CCDC192: variants seen among roughly 807,000 people sequenced by gnomAD.
The protein encoded by CCDC192 is coiled-coil domain-containing protein 192.
At position 127,884,427 on chromosome 5, in the gene CCDC192, A is replaced by G. The variant is rs569631843; in HGVS notation, c.535+8766A>G. 1.2e-4 allele frequency among the ~76,000 whole-genome samples: 18 copies of G among 150,406 alleles called. 2 individuals are homozygous for G. In the South Asian group the frequency reaches 3.8e-3, roughly 32 times the overall value. On this transcript the variant is annotated intron_variant, in intron 6 of 6. Coordinates refer to ENST00000514853, the MANE Select transcript of CCDC192 (RefSeq NM_001317938.2). ...AAAATACAGAAAGCTATCTTATATC[A>G]TTACCATATATTCTTTTTTTTCCTT...
intron 3 of CCDC192, among the ~76,000 whole-genome samples, chr5:127,793,787 A>G (rs1380928183): frequency 2.6e-5 from 4 of 152,178 alleles, no homozygotes; most frequent in Non-Finnish European, 5.9e-5. Context: ...GCTGTTTTTC[A>G]TAAACTTTTC....
At chr5:127,848,331 A>G (rs918171154) in intron 5 of CCDC192, among the ~76,000 whole-genome samples, 1 of 152,168 alleles carries the variant, frequency 6.6e-6, no homozygotes, top group African/African-American at 2.4e-5. Flanking sequence ...GCCCAACTTG[A>G]GAGTGAACTT....
intron 6 of CCDC192, among the ~76,000 whole-genome samples, chr5:127,933,744 G>A (rs1754115602): frequency 6.6e-6 from 1 of 152,094 alleles, no homozygotes; most frequent in South Asian, 2.1e-4. Flanking sequence ...AAAAGGTAAG[G>A]TCTTTAGGAG....
intron 5 of CCDC192, among the ~76,000 whole-genome samples, chr5:127,831,975 A>T (rs1178860458): frequency 2.6e-5 from 4 of 152,124 alleles, no homozygotes; most frequent in African/African-American, 9.6e-5. Context: ...AGCATAGTAA[A>T]TTCAAATAAA....
At chr5:127,910,549 TC>T (rs1753318037) in intron 6 of CCDC192, among the ~76,000 whole-genome samples, 1 of 152,118 alleles carries the variant, frequency 6.6e-6, no homozygotes, top group African/African-American at 2.4e-5. Context: ...AGCCATAAAC[TC>T]CCAGTGTTGA....
chr5:127,747,182 T>C (rs1166178737), intron 2 of CCDC192, among the ~76,000 whole-genome samples: 1 of 151,992 alleles, frequency 6.6e-6, no homozygotes, highest in African/African-American at 2.4e-5. Context: ...CGTATACATG[T>C]GCCATGCTGG....
chr5:127,715,040 A>G (rs1751550919), intron 2 of CCDC192, among the ~76,000 whole-genome samples: 1 of 151,986 alleles, frequency 6.6e-6, no homozygotes, highest in African/African-American at 2.4e-5. Context: ...TGTCAGATGC[A>G]TACTTTGTGA....
At chr5:127,742,269 T>C (rs376713936) in intron 2 of CCDC192, among the ~76,000 whole-genome samples, 101 of 152,338 alleles carry the variant, frequency 6.6e-4, no homozygotes, top group African/African-American at 2.3e-3. Context: ...CATTTCTCTT[T>C]AACTTCCATG....
intron 3 of CCDC192, chr5:127,786,522 G>A: frequency 1.6e-6 from 1 of 636,564 alleles, no homozygotes; most frequent in Non-Finnish European, 2.9e-6. Context: ...TTTCTTACCT[G>A]TTTATTCAGT....
rs1753836333 is a variant in CCDC192 at position 127,925,407 on chromosome 5, A to C, written c.536-15775A>C. ...GCTGATAAAATTGGAATGGCATTCC[A>C]CAAGGAGGAGGAATTGAAAGACGAG... On this transcript the variant is annotated intron_variant, in intron 6 of 6. Transcript: ENST00000514853. Among the ~76,000 whole-genome samples the C allele has an allele frequency of 2.0e-5, 3 of 152,306 alleles. No individual in the cohort carries two copies. The South Asian group carries it at 6.2e-4, about 32-fold the overall frequency.
intron 6 of CCDC192, among the ~76,000 whole-genome samples, chr5:127,915,730 T>C (rs1753502977): frequency 6.6e-6 from 1 of 152,246 alleles, no homozygotes. Flanking sequence ...TTGCAATTTT[T>C]TTTTTTTAGC....
chr5:127,873,337 T>A (rs936975007), intron 5 of CCDC192, among the ~76,000 whole-genome samples: 2 of 152,216 alleles, frequency 1.3e-5, no homozygotes, highest in Non-Finnish European at 2.9e-5. Flanking sequence ...AATCTTCAGT[T>A]CTTTCTCCCC....
chr5:127,930,894 G>T (rs573184145), intron 6 of CCDC192, among the ~76,000 whole-genome samples: 1 of 152,176 alleles, frequency 6.6e-6, no homozygotes, highest in East Asian at 1.9e-4. Flanking sequence ...ATTTTGTGGC[G>T]TCATCTTTGA....
chr5:127,890,811 C>T (rs1173128031), intron 6 of CCDC192, among the ~76,000 whole-genome samples: 6 of 152,190 alleles, frequency 3.9e-5, no homozygotes, highest in Non-Finnish European at 7.3e-5. Context: ...CTCATATTCC[C>T]TGTCTCCATC....
chr5:127,751,483 C>T (rs1354312523), intron 2 of CCDC192, among the ~76,000 whole-genome samples: 3 of 152,122 alleles, frequency 2.0e-5, no homozygotes, highest in Non-Finnish European at 4.4e-5. Context: ...CCGAGAGATC[C>T]GCTATTAGTC....
chr5:127,841,303 C>G (rs756176755), intron 5 of CCDC192, among the ~76,000 whole-genome samples: 7 of 152,148 alleles, frequency 4.6e-5, no homozygotes, highest in Non-Finnish European at 1.0e-4. Flanking sequence ...GAGCTGAGCC[C>G]TTCAGATTTG....
intron 3 of CCDC192, chr5:127,784,931 AT>A: frequency 2.2e-6 from 1 of 460,594 alleles, no homozygotes; most frequent in Non-Finnish European, 4.3e-6. Context: ...CCAAGATGTA[AT>A]TTTATTAAGG....
intron 6 of CCDC192, among the ~76,000 whole-genome samples, chr5:127,882,149 A>G (rs569835254): frequency 7.2e-4 from 110 of 152,324 alleles, no homozygotes; most frequent in South Asian, 3.9e-3. Context: ...CAATGTCTGA[A>G]TCGAGCCAGC....
intron 6 of CCDC192, among the ~76,000 whole-genome samples, chr5:127,912,226 G>A (rs138471095): frequency 1.3e-4 from 19 of 150,910 alleles, no homozygotes; most frequent in East Asian, 9.7e-4. Flanking sequence ...AACTGCTCCC[G>A]TCCCAAAAAA....
Sources: gnomAD v4.1 joint callset for allele counts (sites outside exome capture counted in the v4.1 genomes callset) on GRCh38, gnomAD v4.1.1 for gene constraint, MANE v1.5 for transcripts, NCBI Gene and HGNC (gene_info 2026-07-23, HGNC 2026-07-21) for gene names.